Variants in COLEC12 observed in about 807,000 individuals in gnomAD.
COLEC12 encodes collectin subfamily member 12.
COLEC12 carries 33 observed loss-of-function variants against 71.1 expected under a neutral mutation model. The ratio of observed to expected loss-of-function variants is 0.46; its 90% CI spans 0.35 to 0.62. The LOEUF is 0.62. Among genes scored for constraint, COLEC12 ranks in the 20% least tolerant of loss-of-function variants. The pLI, the probability that COLEC12 is intolerant of heterozygous loss-of-function variation, is 0.00. For missense variants in COLEC12, 765 were observed against 916.1 expected (o/e 0.84, Z 2.13); for synonymous variants, 350 against 353.0 (o/e 0.99, Z 0.10).
At chr18:378,991 G>A (rs376382080) in intron 2 of COLEC12, among the ~76,000 whole-genome samples, 14 of 152,318 alleles carry the variant, frequency 9.2e-5, no homozygotes, top group African/African-American at 3.4e-4. Flanking sequence ...ATTGAGCCAC[G>A]CCGGTGGAAA....
intron 2 of COLEC12, among the ~76,000 whole-genome samples, chr18:456,390 G>A (rs1311299672): frequency 6.6e-6 from 1 of 152,138 alleles, no homozygotes; most frequent in Non-Finnish European, 1.5e-5. Flanking sequence ...CATGTGCCGT[G>A]AGCAACTTGT....
rs1431727726 is a variant in COLEC12 at position 319,331 on chromosome 18, A to ATATATATATAT, written c.*713_*714insATATATATATA. 43 of 54,264 alleles carry ATATATATATAT rather than the reference A, an allele frequency of 7.9e-4. No homozygotes were observed. Among genetic ancestry groups the ATATATATATAT allele is most frequent in the Non-Finnish European group, 1.3e-3 (30 of 23,250 alleles). 3.4% of individuals were successfully genotyped at this position (54,264 alleles called of 1,614,324 possible). On this transcript the variant is annotated 3_prime_UTR_variant, in exon 10 of 10. Transcript: ENST00000400256. ...GAGGAAATGAAACATTAAAAAAAAA[A>ATATATATATAT]AAAAAAAAAAATATATATATATATA...
At chr18:443,644 T>C (rs965189354) in intron 2 of COLEC12, among the ~76,000 whole-genome samples, 1 of 152,204 alleles carries the variant, frequency 6.6e-6, no homozygotes, top group Admixed American at 6.5e-5. Context: ...ATCTACCATG[T>C]GGCTGGAGCC....
intron 2 of COLEC12, among the ~76,000 whole-genome samples, chr18:369,117 G>A (rs1308889967): frequency 1.3e-5 from 2 of 152,168 alleles, no homozygotes; most frequent in African/African-American, 4.8e-5. Flanking sequence ...TGGAGAGCCG[G>A]CTGTTAAACA....
chr18:410,429 C>G (rs1348228752), intron 2 of COLEC12, among the ~76,000 whole-genome samples: 1 of 150,816 alleles, frequency 6.6e-6, no homozygotes, highest in Non-Finnish European at 1.5e-5. Context: ...CAACACATGG[C>G]TGAGTTGTTC....
chr18:451,144 A>G (rs1301821172), intron 2 of COLEC12, among the ~76,000 whole-genome samples: 2 of 152,204 alleles, frequency 1.3e-5, no homozygotes, highest in African/African-American at 2.4e-5. Flanking sequence ...GGCATGCCCC[A>G]GGGCTCTGTC....
intron 2 of COLEC12, among the ~76,000 whole-genome samples, chr18:473,369 T>C (rs1208064400): frequency 6.6e-6 from 1 of 152,228 alleles, no homozygotes; most frequent in Non-Finnish European, 1.5e-5. Flanking sequence ...AATCTCTTTT[T>C]TTTATTTTTT....
At chr18:401,522 T>C (rs1915686322) in intron 2 of COLEC12, among the ~76,000 whole-genome samples, 1 of 151,796 alleles carries the variant, frequency 6.6e-6, no homozygotes, top group Non-Finnish European at 1.5e-5. Flanking sequence ...ATTATTATCA[T>C]CAGAAAAGAT....
intron 2 of COLEC12, among the ~76,000 whole-genome samples, chr18:459,418 G>A (rs929766232): frequency 1.3e-5 from 2 of 152,166 alleles, no homozygotes; most frequent in Non-Finnish European, 2.9e-5. Context: ...ATGACCACTT[G>A]GAAGAGTTAG....
intron 2 of COLEC12, among the ~76,000 whole-genome samples, chr18:421,371 C>T (rs903058012): frequency 6.6e-6 from 1 of 152,116 alleles, no homozygotes; most frequent in African/African-American, 2.4e-5. Flanking sequence ...TTTCCCGACA[C>T]GGTGCTTTTA....
intron 3 of COLEC12, 85 bp downstream of exon 3, chr18:357,315 C>T (rs74579661): frequency 0.061 from 77,470 of 1,274,714 alleles, 2,843 homozygotes; most frequent in South Asian, 0.14. Context: ...TGAAATACTT[C>T]GTATTTGCAA....
intron 2 of COLEC12, among the ~76,000 whole-genome samples, chr18:437,286 G>A (rs2621182): frequency 0.37 from 56,557 of 152,052 alleles, 12,032 homozygotes; most frequent in South Asian, 0.59. Flanking sequence ...CATCTGGGAC[G>A]CTGGGCCACC....
At chr18:339,975 G>T (rs1914207791) in intron 5 of COLEC12, among the ~76,000 whole-genome samples, 1 of 151,066 alleles carries the variant, frequency 6.6e-6, no homozygotes, top group Non-Finnish European at 1.5e-5. Context: ...ATGATCTCAG[G>T]CTTTGAGGTT....
chr18:451,140 C>A (rs1916752704), intron 2 of COLEC12, among the ~76,000 whole-genome samples: 1 of 152,186 alleles, frequency 6.6e-6, no homozygotes, highest in Admixed American at 6.5e-5. Flanking sequence ...AGTAGGCATG[C>A]CCCAGGGCTC....
intron 2 of COLEC12, among the ~76,000 whole-genome samples, chr18:385,077 A>T (rs1046240122): frequency 2.0e-5 from 3 of 152,194 alleles, no homozygotes; most frequent in Non-Finnish European, 4.4e-5. Context: ...ATGGTTGTCC[A>T]AGTTAATTAT....
chr18:424,288 C>G (rs978280885), intron 2 of COLEC12: 1 of 152,230 alleles, frequency 6.6e-6, no homozygotes, highest in Non-Finnish European at 1.5e-5. Flanking sequence ...AAGCTGCGAG[C>G]CCGTCGCCAT....
intron 2 of COLEC12, among the ~76,000 whole-genome samples, chr18:437,457 C>T (rs140502961): frequency 1.9e-4 from 29 of 152,042 alleles, no homozygotes; most frequent in African/African-American, 7.0e-4. Context: ...TTTTTCAAGT[C>T]TGTTTCCATA....
intron 3 of COLEC12, among the ~76,000 whole-genome samples, chr18:351,771 C>T (rs1914527744): frequency 6.6e-6 from 1 of 152,128 alleles, no homozygotes; most frequent in Admixed American, 6.5e-5. Context: ...TTTTAGGGTA[C>T]ATGTGCACAA....
chr18:349,775 T>C lies in COLEC12; in HGVS notation c.182-1612A>G, dbSNP rs147423185. Among the ~76,000 whole-genome samples, 617 of 152,292 alleles carry C rather than the reference T, an allele frequency of 4.1e-3. 5 individuals carry two copies. Among genetic ancestry groups the C allele is most frequent in the African/African-American group, 0.014 (586 of 41,568 alleles). ...TGCGACCTGGAGTCAAAGGAGATAA[T>C]TGTGGAGCTTTAAAATTTGACTGCC... On this transcript the variant is annotated intron_variant, in intron 3 of 9. Coordinates refer to ENST00000400256, the MANE Select transcript of COLEC12 (RefSeq NM_130386.3).
Sources: allele counts gnomAD v4.1 joint callset (sites outside exome capture counted in the v4.1 genomes callset), GRCh38; gene constraint gnomAD v4.1.1; transcripts MANE v1.5; gene names NCBI Gene and HGNC (gene_info 2026-07-23, HGNC 2026-07-21).